The following KAT7 variants were observed in gnomAD, a reference collection of about 807,000 sequenced individuals.
KAT7 encodes the protein lysine acetyltransferase 7, also known as histone acetyltransferase KAT7.
KAT7 carries 10 observed loss-of-function variants against 82.1 expected under a neutral mutation model. The observed-to-expected ratio is 0.12, with a 90% CI of 0.08 to 0.21. The LOEUF is 0.21. Among genes scored for constraint, KAT7 ranks in the 10% least tolerant of loss-of-function variants. The probability of loss-of-function intolerance (pLI) is 1.00; values close to 1 mark genes in which losing one functional copy is unlikely to be tolerated. For missense variants in KAT7, 378 were observed against 760.9 expected (o/e 0.50, Z 5.92); for synonymous variants, 250 against 262.5 (o/e 0.95, Z 0.46).
chr17:49,807,399 ATATCT>A (rs1046475331), intron 5 of KAT7, among the ~76,000 whole-genome samples: 14 of 152,206 alleles, frequency 9.2e-5, no homozygotes, highest in African/African-American at 3.1e-4. Context: ...AGAAGAAAAG[ATATCT>A]TAAGTAGAAG....
chr17:49,805,289 G>T (rs2074077470), intron 4 of KAT7, 74 bp from the exon 5 acceptor site: 6 of 1,021,698 alleles, frequency 5.9e-6, no homozygotes, highest in Non-Finnish European at 9.1e-6. Context: ...AAAAAAACAG[G>T]TTTGTCTTAG....
In KAT7 at chr17:49,811,311, T is replaced by A. The variant is rs553202607; in HGVS notation, c.754-165T>A. 2.0e-5 allele frequency among the ~76,000 whole-genome samples: 3 copies of A among 152,188 alleles called. No homozygotes were observed. The South Asian group carries it at 6.2e-4, about 32-fold the overall frequency. On this transcript the variant is annotated intron_variant, in intron 6 of 14. Coordinates refer to ENST00000259021, the MANE Select transcript of KAT7 (RefSeq NM_007067.5). ...TAATAGAGATGAGGATTCACCATGT[T>A]GTCCAGGCTGGTCTTGAACTCCTGA...
chr17:49,798,969 C>T (rs1484675184), intron 4 of KAT7, among the ~76,000 whole-genome samples: 5 of 152,188 alleles, frequency 3.3e-5, no homozygotes, highest in Non-Finnish European at 7.3e-5. Flanking sequence ...AAAACATTTC[C>T]TGTCAAGAGG....
chr17:49,814,534 G>T (rs2074210062), intron 7 of KAT7, among the ~76,000 whole-genome samples: 1 of 152,164 alleles, frequency 6.6e-6, no homozygotes, highest in South Asian at 2.1e-4. Context: ...TTTATATACA[G>T]GAAAACTAAG....
rs1415965932 is a variant in KAT7, at chr17:49,829,737, T to A, written c.*2235T>A. ...CATACAGTTGAAGTTTTTTGCACAG[T>A]CCTGATCCCAGGTCTCCACTCGCTT... On this transcript the variant is annotated 3_prime_UTR_variant, in exon 15 of 15. Transcript: ENST00000259021. The A allele has an allele frequency of 1.3e-5, 2 of 152,178 alleles. No individual in the cohort carries two copies. The highest frequency in any genetic ancestry group is 2.9e-5 in the Non-Finnish European group (2 of 68,024). 9.4% of individuals were successfully genotyped at this position (152,178 alleles called of 1,614,324 possible). A position where few individuals can be genotyped will look rare whatever the true frequency, so the allele number is the denominator to read the frequency against.
chr17:49,812,097 G>T (rs1346956199), intron 7 of KAT7, among the ~76,000 whole-genome samples: 2 of 152,062 alleles, frequency 1.3e-5, no homozygotes, highest in East Asian at 3.9e-4. Flanking sequence ...GTATATGGAA[G>T]AAAACAAATC....
At chr17:49,822,707 T>C (rs1567864415) in intron 11 of KAT7, among the ~76,000 whole-genome samples, 1 of 152,198 alleles carries the variant, frequency 6.6e-6, no homozygotes, top group East Asian at 1.9e-4. Context: ...CACTCCTATT[T>C]CTACTCAATC....
intron 4 of KAT7, among the ~76,000 whole-genome samples, chr17:49,801,419 C>G (rs893895999): frequency 1.3e-5 from 2 of 152,040 alleles, no homozygotes; most frequent in African/African-American, 4.8e-5. Flanking sequence ...CTCTTGGGCT[C>G]AAGTGAAAAA....
At chr17:49,791,113 G>A (rs2073882238) in intron 1 of KAT7, among the ~76,000 whole-genome samples, 2 of 152,130 alleles carry the variant, frequency 1.3e-5, no homozygotes, top group South Asian at 2.1e-4. Context: ...AGGATAGATG[G>A]CATACGCACT....
At chr17:49,802,239 C>T (rs2074033817) in intron 4 of KAT7, among the ~76,000 whole-genome samples, 1 of 152,098 alleles carries the variant, frequency 6.6e-6, no homozygotes, top group Non-Finnish European at 1.5e-5. Flanking sequence ...TGGTGTCTTT[C>T]TAGCAAATCT....
intron 11 of KAT7, 128 bp downstream of exon 11, chr17:49,821,918 T>TAAA: frequency 1.6e-6 from 1 of 633,154 alleles, no homozygotes; most frequent in Non-Finnish European, 2.6e-6. Context: ...TTCCTTAAAT[T>TAAA]AAAAAAAAAA....
Position 49,830,197 on chromosome 17 carries a change from TTTTTTTTTTTTA to T in KAT7, c.*2696_*2707del, listed in dbSNP as rs1352143082. On this transcript the variant is annotated 3_prime_UTR_variant, in exon 15 of 15. Coordinates refer to ENST00000259021, the MANE Select transcript of KAT7 (RefSeq NM_007067.5). ...CCGACCTATTTTTTTTTTTTTTTTT[TTTTTTTTTTTTA>T]AAAAAAGACAGTCTCACTCTATCAT... is the stretch of plus-strand genomic sequence containing the variant. 16 of 138,380 alleles carry T rather than the reference TTTTTTTTTTTTA, an allele frequency of 1.2e-4. No homozygotes were observed. Among genetic ancestry groups the T allele is most frequent in the Middle Eastern group, 3.5e-3 (1 of 286 alleles). 8.6% of individuals were successfully genotyped at this position (138,380 alleles called of 1,614,324 possible).
chr17:49,812,059 G>C (rs73337021), intron 7 of KAT7, among the ~76,000 whole-genome samples: 3,586 of 152,024 alleles, frequency 0.024, 137 homozygotes, highest in African/African-American at 0.081. Context: ...ATGTACATTT[G>C]TAAGAGAATT....
chr17:49,803,886 A>G (rs1365459093), intron 4 of KAT7, among the ~76,000 whole-genome samples: 1 of 149,912 alleles, frequency 6.7e-6, no homozygotes, highest in African/African-American at 2.5e-5. Context: ...CCCAAATTAA[A>G]TGTCTTTTTT....
At chr17:49,818,573 T>C (rs1489232858) in intron 9 of KAT7, among the ~76,000 whole-genome samples, 1 of 152,166 alleles carries the variant, frequency 6.6e-6, no homozygotes, top group African/African-American at 2.4e-5. Context: ...TCTGTTATTG[T>C]TGACAAATAG....
intron 13 of KAT7, 65 bp downstream of exon 13, chr17:49,826,211 G>A (rs2074367014): frequency 6.7e-7 from 1 of 1,497,004 alleles, no homozygotes. Context: ...TGGGTATTGT[G>A]TTTCCCCTGA....
chr17:49,812,988 A>G (rs1455540884), intron 7 of KAT7, among the ~76,000 whole-genome samples: 3 of 142,754 alleles, frequency 2.1e-5, no homozygotes, highest in African/African-American at 5.3e-5. Context: ...GGCATGAGCC[A>G]CTGCACCCAG....
At chr17:49,789,402 G>A (rs992139217) in intron 1 of KAT7, 2 of 152,440 alleles carry the variant, frequency 1.3e-5, no homozygotes, top group African/African-American at 4.8e-5. Flanking sequence ...CAGAAGACTG[G>A]GTGGTGGGAA....
chr17:49,796,799 T>C lies in KAT7; in HGVS notation c.213T>C (p.Ala71=), dbSNP rs749082345. The C allele has an allele frequency of 5.6e-6, 9 of 1,613,834 alleles. No homozygotes were observed. Among genetic ancestry groups the C allele is most frequent in the Non-Finnish European group, 7.6e-6 (9 of 1,179,906 alleles). ...AGTCTTTTGGCACTGAGGAGCCTGC[T>C]TACTCTACCAGAAGAGTGACCCGTA... ...NLQSFGTEEP[A]YSTRRVTRSQ... Residue 71 remains alanine, a synonymous_variant, in exon 3 of 15, where the codon GCT becomes GCC. Transcript: ENST00000259021.
Sources: gnomAD v4.1 joint callset for allele counts (sites outside exome capture counted in the v4.1 genomes callset) on GRCh38, gnomAD v4.1.1 for gene constraint, MANE v1.5 for transcripts, NCBI Gene and HGNC (gene_info 2026-07-23, HGNC 2026-07-21) for gene names.